The following CDC45 variants were observed in gnomAD, a reference collection of about 807,000 sequenced individuals.
CDC45 encodes cell division control protein 45 homolog.
A neutral mutation model predicts 77.8 loss-of-function variants in CDC45; 54 were observed. That is an observed-to-expected ratio of 0.69 (90% CI 0.56 to 0.87). The LOEUF (loss-of-function observed/expected upper bound fraction) is 0.87, where lower values mean the gene tolerates loss of function less well. Among genes scored for constraint, CDC45 ranks in the 40% least tolerant of loss-of-function variants. The probability of loss-of-function intolerance (pLI) is 0.00; values close to 1 mark genes in which losing one functional copy is unlikely to be tolerated. For missense variants in CDC45, 649 were observed against 721.6 expected, an observed-to-expected ratio of 0.90 and a Z score of 1.15; for synonymous variants, 260 against 272.1, an observed-to-expected ratio of 0.96 and a Z score of 0.44.
chr22:19,508,487 G>A (rs1466686238), intron 12 of CDC45, 43 bp from the exon 13 acceptor site: 1 of 1,610,708 alleles, frequency 6.2e-7, no homozygotes, highest in African/African-American at 1.3e-5. Flanking sequence ...GTGAGAGCTT[G>A]CCCACAATTT....
chr22:19,513,408 AT>A (rs1933620530), intron 13 of CDC45, among the ~76,000 whole-genome samples: 1 of 152,186 alleles, frequency 6.6e-6, no homozygotes, highest in Non-Finnish European at 1.5e-5. Context: ...GTAGTAATAG[AT>A]TACTATCTGG....
intron 18 of CDC45, 83 bp downstream of exon 18, chr22:19,518,992 C>T (rs923416740): frequency 9.4e-5 from 98 of 1,038,660 alleles, no homozygotes; most frequent in Admixed American, 5.1e-4. Flanking sequence ...CCTCCCTCAA[C>T]GGAGGCTTCT....
intron 5 of CDC45, among the ~76,000 whole-genome samples, chr22:19,491,898 C>T (rs769880492): frequency 1.5e-4 from 23 of 151,894 alleles, no homozygotes; most frequent in South Asian, 1.0e-3. Flanking sequence ...CCTCTGCCTC[C>T]TGGGTTCAAG....
At chr22:19,490,655 C>T (rs556549047) in intron 5 of CDC45, among the ~76,000 whole-genome samples, 9 of 151,970 alleles carry the variant, frequency 5.9e-5, no homozygotes, top group Non-Finnish European at 1.3e-4. Context: ...GGATTACAGC[C>T]ACTGCGTCCA....
intron 7 of CDC45, among the ~76,000 whole-genome samples, 156 bp downstream of exon 7, chr22:19,496,185 A>G (rs1326368549): frequency 6.6e-6 from 1 of 152,184 alleles, no homozygotes; most frequent in Non-Finnish European, 1.5e-5. Flanking sequence ...AGGTGTTGCA[A>G]GCTCTCTGAG....
At chr22:19,507,943 C>T (rs1933292985) in intron 12 of CDC45, 79 bp downstream of exon 12, 2 of 992,002 alleles carry the variant, frequency 2.0e-6, no homozygotes, top group Non-Finnish European at 3.1e-6. Context: ...AACTGTGCTC[C>T]TAAAATAATG....
rs151279621 is a variant in CDC45 at position 19,505,448 on chromosome 22, C to A, written c.791C>A (p.Ser264Tyr). 3.7e-6 allele frequency: 6 copies of A among 1,614,044 alleles called. No homozygotes were observed. The highest frequency in any genetic ancestry group is 5.1e-6 in the Non-Finnish European group (6 of 1,179,992). ...HRNEDEENTLSVDCTRISFEY... is the reference protein window; with the variant it reads ...HRNEDEENTLYVDCTRISFEY... ...AACGAGGATGAGGAGAACACACTCT[C>A]CGTGGACTGCACACGGATCTCCTTT... The change falls in exon 10 of 19, where the codon TCC becomes TAC. Residue 264 changes from serine to tyrosine, a missense_variant. Transcript: ENST00000263201.
chr22:19,497,318 C>T, intron 7 of CDC45, 68 bp from the exon 8 acceptor site: 1 of 1,460,902 alleles, frequency 6.8e-7, no homozygotes. Context: ...CAAGTCCAGT[C>T]TGGCTGCATG....
chr22:19,481,241 A>T (rs1019374382), intron 3 of CDC45, among the ~76,000 whole-genome samples, 196 bp downstream of exon 3: 3 of 152,212 alleles, frequency 2.0e-5, no homozygotes, highest in Non-Finnish European at 4.4e-5. Context: ...CAGCAAAAAA[A>T]GATAATGAAT....
rs1466824401 is a variant in CDC45, at chr22:19,507,503, C to T, written c.942C>T (p.Phe314=). The T allele has an allele frequency of 4.3e-6, 7 of 1,614,038 alleles. 1 individual carries two copies. In the African/African-American group the frequency reaches 9.3e-5, roughly 22 times the overall value. ...ATGGACAGAAGCGGCTCCAGGAGTT[C>T]CTTGCAGACATGGGGTGAGTGACTG... is the stretch of plus-strand genomic sequence containing the variant. ...SVHGQKRLQE[F]LADMGLPLKQ... is the part of the protein sequence containing the mutation. Residue 314 remains phenylalanine, a synonymous_variant, in exon 11 of 19, where the codon TTC becomes TTT. Transcript: ENST00000263201.
At chr22:19,484,423 AG>A in intron 5 of CDC45, among the ~76,000 whole-genome samples, 1 of 152,322 alleles carries the variant, frequency 6.6e-6, no homozygotes, top group African/African-American at 2.4e-5. Context: ...CAATTACTGC[AG>A]GGGAGGTATC....
At chr22:19,508,501 G>C in intron 12 of CDC45, 29 bp from the exon 13 acceptor site, 1 of 1,613,512 alleles carries the variant, frequency 6.2e-7, no homozygotes, top group South Asian at 1.1e-5. Flanking sequence ...ACAATTTGAG[G>C]GTGACAGCTG....
intron 5 of CDC45, among the ~76,000 whole-genome samples, chr22:19,488,089 G>C (rs575672886): frequency 6.6e-6 from 1 of 152,244 alleles, no homozygotes; most frequent in Admixed American, 6.5e-5. Context: ...TAATATCGTG[G>C]CTCAGGTCAC....
intron 5 of CDC45, among the ~76,000 whole-genome samples, chr22:19,490,608 T>G (rs2090139829): frequency 6.6e-6 from 1 of 152,106 alleles, no homozygotes; most frequent in African/African-American, 2.4e-5. Context: ...ACTCCTGACC[T>G]CAGGTGATCC....
In CDC45 at chr22:19,520,356, C is replaced by G. The variant is rs978857128; in HGVS notation, c.*2-125C>G. Reference sequence around the variant, plus strand: ...CAGGGGCCTCCGAGTCTGGGGTGGCCTCACCCCCACAAGCAGTCCTGGCTA... The same window carrying G: ...CAGGGGCCTCCGAGTCTGGGGTGGCGTCACCCCCACAAGCAGTCCTGGCTA... On this transcript the variant is annotated intron_variant, in intron 18 of 18. Coordinates refer to ENST00000263201, the MANE Select transcript of CDC45 (RefSeq NM_003504.5). The surrounding 1 kb of genome is among the most constrained non-coding windows in gnomAD (Gnocchi z 4.5). 1.3e-5 allele frequency: 2 copies of G among 152,256 alleles called. No homozygotes were observed. Among genetic ancestry groups the G allele is most frequent in the Non-Finnish European group, 2.9e-5 (2 of 68,130 alleles). The allele number at this position is 152,256 out of a possible 1,614,324, so 9.4% of individuals were successfully genotyped here. A position where few individuals can be genotyped will look rare whatever the true frequency, so the allele number is the denominator to read the frequency against.
chr22:19,490,352 A>G (rs1377785193), intron 5 of CDC45, among the ~76,000 whole-genome samples: 2 of 151,058 alleles, frequency 1.3e-5, no homozygotes, highest in Non-Finnish European at 1.5e-5. Context: ...TTTTTATTCT[A>G]TTTTTTTCTT....
At chr22:19,508,108 AGGATCCTT>A (rs974021767) in intron 12 of CDC45, among the ~76,000 whole-genome samples, 1 of 152,102 alleles carries the variant, frequency 6.6e-6, no homozygotes, top group Non-Finnish European at 1.5e-5. Flanking sequence ...TTAGGATCCT[AGGATCCTT>A]GGATCCTAGG....
At position 19,507,422 on chromosome 22, in the gene CDC45, T is replaced by C; in HGVS notation, c.861T>C (p.His287=). The change falls in exon 11 of 19, where the codon CAT becomes CAC. Residue 287 remains histidine (H), a synonymous_variant. Coordinates refer to ENST00000263201, the MANE Select transcript of CDC45 (RefSeq NM_003504.5). The part of the protein sequence containing the change: ...RLVLYQHWSL[H]DSLCNTSYTA... ...TGCTCTACCAGCACTGGTCCCTCCA[T>C]GACAGCCTGTGCAACACCAGCTATA... 2 of 1,614,134 alleles carry C rather than the reference T, an allele frequency of 1.2e-6. No homozygotes were observed. The highest frequency in any genetic ancestry group is 1.7e-6 in the Non-Finnish European group (2 of 1,180,026).
chr22:19,482,932 T>C (rs1354968577), intron 4 of CDC45, 105 bp downstream of exon 4: 1 of 1,021,750 alleles, frequency 9.8e-7, no homozygotes, highest in Admixed American at 2.0e-5. Context: ...CCTGTGGGAC[T>C]GGGAACAGCC....
Sources: allele counts gnomAD v4.1 joint callset (sites outside exome capture counted in the v4.1 genomes callset), GRCh38; gene constraint gnomAD v4.1.1; non-coding constraint Gnocchi (gnomAD v3.1); transcripts MANE v1.5; gene names NCBI Gene and HGNC (gene_info 2026-07-23, HGNC 2026-07-21).